MAGI2: variants seen among roughly 807,000 people sequenced by gnomAD.
The protein encoded by MAGI2 is membrane-associated guanylate kinase, WW and PDZ domain-containing protein 2.
In MAGI2, 35 loss-of-function variants were observed where a neutral mutation model predicts 133.3. That is an observed-to-expected ratio of 0.26 (90% CI 0.20 to 0.35). The LOEUF is 0.35. Ranked by LOEUF, MAGI2 falls within the 10% of genes least tolerant of loss-of-function variation. The probability of loss-of-function intolerance (pLI) is 1.00; values close to 1 mark genes in which losing one functional copy is unlikely to be tolerated. For missense variants in MAGI2, 1,636 were observed against 1,863.4 expected (o/e 0.88, Z 2.25); for synonymous variants, 729 against 710.6 (o/e 1.03, Z -0.41).
chr7:79,411,539 T>C (rs1448802230), intron 1 of MAGI2: 3 of 152,196 alleles, frequency 2.0e-5, no homozygotes, highest in Admixed American at 6.5e-5. Flanking sequence ...GATTCTCCTC[T>C]GGAGCTTTCA....
intron 13 of MAGI2, among the ~76,000 whole-genome samples, chr7:78,179,338 C>T (rs147051201): frequency 8.0e-4 from 122 of 152,312 alleles, no homozygotes; most frequent in African/African-American, 2.8e-3. Flanking sequence ...CAGTAGCACT[C>T]GTTGTAGAGA....
intron 1 of MAGI2, among the ~76,000 whole-genome samples, chr7:79,170,484 A>G (rs576769511): frequency 5.9e-5 from 9 of 152,098 alleles, no homozygotes; most frequent in African/African-American, 2.2e-4. Flanking sequence ...CCAAAATACT[A>G]TAAAGTATTG....
intron 6 of MAGI2, among the ~76,000 whole-genome samples, chr7:78,462,354 G>T (rs1790151085): frequency 6.6e-6 from 1 of 152,136 alleles, no homozygotes; most frequent in African/African-American, 2.4e-5. Flanking sequence ...CAGGATGATG[G>T]CATAAAAATA....
At chr7:78,497,180 A>T (rs1350777012) in intron 5 of MAGI2, among the ~76,000 whole-genome samples, 1 of 152,208 alleles carries the variant, frequency 6.6e-6, no homozygotes, top group African/African-American at 2.4e-5. Context: ...TGATGAGTCA[A>T]AGAGATTACT....
chr7:78,198,708 T>C (rs1434643005), intron 11 of MAGI2, among the ~76,000 whole-genome samples: 1 of 152,184 alleles, frequency 6.6e-6, no homozygotes. Context: ...AGAGAGATTA[T>C]GAATGAGGCA....
At chr7:79,275,732 T>A (rs1166032113) in intron 1 of MAGI2, among the ~76,000 whole-genome samples, 4 of 152,120 alleles carry the variant, frequency 2.6e-5, no homozygotes, top group Admixed American at 2.6e-4. Flanking sequence ...CCAACACAGC[T>A]GGTGTCTTTA....
At chr7:79,260,261 T>C (rs934728188) in intron 1 of MAGI2, among the ~76,000 whole-genome samples, 5 of 151,948 alleles carry the variant, frequency 3.3e-5, no homozygotes, top group African/African-American at 4.8e-5. Context: ...GAAGCTAACA[T>C]GGGAGGATGA....
chr7:79,148,695 A>T (rs1736663658), intron 1 of MAGI2, among the ~76,000 whole-genome samples: 1 of 151,822 alleles, frequency 6.6e-6, no homozygotes, highest in Non-Finnish European at 1.5e-5. Flanking sequence ...TGATACCAGG[A>T]AAAAAGAGGG....
intron 2 of MAGI2, among the ~76,000 whole-genome samples, chr7:78,729,691 T>C (rs934981775): frequency 6.6e-6 from 1 of 152,224 alleles, no homozygotes; most frequent in African/African-American, 2.4e-5. Context: ...AGATGCTTCA[T>C]ACTGTTTTGT....
At chr7:78,131,809 G>A (rs182775873) in intron 18 of MAGI2, among the ~76,000 whole-genome samples, 220 of 152,228 alleles carry the variant, frequency 1.4e-3, no homozygotes, top group Non-Finnish European at 2.7e-3. Flanking sequence ...TGCTATGTGT[G>A]GAATAGAAGA....
chr7:79,004,193 CA>C (rs1392784158), intron 2 of MAGI2, among the ~76,000 whole-genome samples: 1 of 152,078 alleles, frequency 6.6e-6, no homozygotes, highest in East Asian at 1.9e-4. Flanking sequence ...ATAGCAAAGA[CA>C]AGGACTCAAC....
intron 1 of MAGI2, among the ~76,000 whole-genome samples, chr7:79,259,513 T>A (rs1833929992): frequency 6.6e-6 from 1 of 152,218 alleles, no homozygotes; most frequent in South Asian, 2.1e-4. Context: ...AGAAATAACT[T>A]GTTGATGCAT....
At chr7:78,939,949 G>A (rs1393092651) in intron 2 of MAGI2, 2 of 152,122 alleles carry the variant, frequency 1.3e-5, no homozygotes, top group Non-Finnish European at 2.9e-5. Context: ...GACCAAGAGG[G>A]AGAGTCATAG....
chr7:79,165,896 G>A (rs1824858458), intron 1 of MAGI2, among the ~76,000 whole-genome samples: 1 of 152,034 alleles, frequency 6.6e-6, no homozygotes, highest in Admixed American at 6.6e-5. Context: ...TATTAGCAGA[G>A]GAGGTAACTA....
At chr7:78,112,481 T>C (rs1044093349) in intron 20 of MAGI2, among the ~76,000 whole-genome samples, 3 of 152,220 alleles carry the variant, frequency 2.0e-5, no homozygotes, top group African/African-American at 4.8e-5. Flanking sequence ...GTATTTACAG[T>C]GAGGCACGTT....
chr7:78,739,725 A>G (rs1027014851), intron 2 of MAGI2, among the ~76,000 whole-genome samples: 2 of 152,170 alleles, frequency 1.3e-5, no homozygotes, highest in Admixed American at 1.3e-4. Context: ...TTAGTTCTCT[A>G]CGTAGGCGCA....
intron 2 of MAGI2, among the ~76,000 whole-genome samples, chr7:78,655,472 A>C (rs1252927916): frequency 1.3e-5 from 2 of 150,784 alleles, no homozygotes; most frequent in Non-Finnish European, 3.0e-5. Context: ...AAAAAAAAAA[A>C]AAACCACCAG....
At chr7:78,754,370 CAAATAAATAAATAAAT>C (rs1554555812) in intron 2 of MAGI2, among the ~76,000 whole-genome samples, 11 of 147,178 alleles carry the variant, frequency 7.5e-5, no homozygotes, top group African/African-American at 2.3e-4. Flanking sequence ...GACCCTGTCT[CAAATAAATAAATAAAT>C]AAATAAATAA....
At chr7:79,338,844 A>C (rs919499358) in intron 1 of MAGI2, among the ~76,000 whole-genome samples, 1 of 152,054 alleles carries the variant, frequency 6.6e-6, no homozygotes. Context: ...CTGTCAACCT[A>C]CGGGGGGTAC....
Sources: allele counts gnomAD v4.1 joint callset (sites outside exome capture counted in the v4.1 genomes callset), GRCh38; gene constraint gnomAD v4.1.1; transcripts MANE v1.5; gene names NCBI Gene and HGNC (gene_info 2026-07-23, HGNC 2026-07-21).